Variants in TANGO6 observed in about 807,000 individuals in gnomAD.
TANGO6 encodes transport and Golgi organization protein 6 homolog.
Under a neutral mutation model 114.2 loss-of-function variants are expected in TANGO6, and 90 were observed. The observed-to-expected ratio is 0.79, with a 90% CI of 0.66 to 0.94. The LOEUF (loss-of-function observed/expected upper bound fraction) is 0.94, where lower values mean the gene tolerates loss of function less well. Among genes scored for constraint, TANGO6 ranks in the 40% least tolerant of loss-of-function variants. The pLI is 0.00. For synonymous variants in TANGO6, 477 were observed against 509.8 expected (o/e 0.94, Z 0.87); for missense variants, 1,274 against 1,315.3 (o/e 0.97, Z 0.49).
intron 12 of TANGO6, 27 bp downstream of exon 12, chr16:68,919,246 G>T: frequency 3.1e-6 from 5 of 1,607,202 alleles, no homozygotes; most frequent in South Asian, 1.1e-5. Flanking sequence ...AGGCAAGCTT[G>T]AATGGAGGGA....
chr16:69,047,316 G>A (rs775696240), intron 17 of TANGO6, among the ~76,000 whole-genome samples: 4 of 152,058 alleles, frequency 2.6e-5, no homozygotes, highest in African/African-American at 7.2e-5. Context: ...CCAACATGGC[G>A]AAACCCTATC....
intron 16 of TANGO6, among the ~76,000 whole-genome samples, chr16:69,028,589 C>T (rs117116502): frequency 0.085 from 12,904 of 151,884 alleles, 724 homozygotes; most frequent in Non-Finnish European, 0.12. Context: ...GCTAAAACTG[C>T]GCCACTACAC....
chr16:69,032,292 G>A (rs1234701081), intron 16 of TANGO6, among the ~76,000 whole-genome samples: 4 of 151,908 alleles, frequency 2.6e-5, no homozygotes, highest in Non-Finnish European at 5.9e-5. Flanking sequence ...TGGAGACAGA[G>A]CCTCGCGCTG....
chr16:68,891,467 CA>C (rs1349623669), intron 7 of TANGO6, among the ~76,000 whole-genome samples: 1 of 151,126 alleles, frequency 6.6e-6, no homozygotes, highest in South Asian at 2.1e-4. Context: ...CTCAAGAATT[CA>C]AAAAAAAGAA....
At chr16:69,023,147 A>G (rs574728983) in intron 16 of TANGO6, among the ~76,000 whole-genome samples, 168 bp downstream of exon 16, 2 of 152,074 alleles carry the variant, frequency 1.3e-5, no homozygotes, top group South Asian at 4.2e-4. Context: ...TCTGTCTCAC[A>G]TGTATATTGA....
chr16:69,021,772 C>A (rs251100), intron 15 of TANGO6, among the ~76,000 whole-genome samples: 50,875 of 151,580 alleles, frequency 0.34, 10,020 homozygotes, highest in East Asian at 0.52. Context: ...GGGGGCCACA[C>A]TTTTTGTTTG....
intron 15 of TANGO6, among the ~76,000 whole-genome samples, chr16:69,019,603 G>C (rs1350916004): frequency 1.3e-5 from 2 of 152,160 alleles, no homozygotes; most frequent in Non-Finnish European, 2.9e-5. Context: ...ACCTCTGCTT[G>C]ACTCTGTGAC....
At chr16:68,927,470 C>T in intron 12 of TANGO6, 98 bp from the exon 13 acceptor site, 1 of 1,336,242 alleles carries the variant, frequency 7.5e-7, no homozygotes, top group Non-Finnish European at 1.0e-6. Flanking sequence ...AAGATTTGAT[C>T]CCTGCCCTTT....
chr16:68,946,185 T>C (rs2152203628), intron 14 of TANGO6, among the ~76,000 whole-genome samples: 1 of 151,342 alleles, frequency 6.6e-6, no homozygotes, highest in South Asian at 2.1e-4. Flanking sequence ...TTTCTGTTTC[T>C]TCTTCTTCTT....
intron 13 of TANGO6, among the ~76,000 whole-genome samples, chr16:68,928,298 ATTT>A (rs10701295): frequency 2.0e-5 from 2 of 98,560 alleles, no homozygotes; most frequent in Non-Finnish European, 1.9e-5. Context: ...CTGAGTGCCA[ATTT>A]TTTTTTTTTT....
At chr16:69,011,399 GA>G (rs1964142281) in intron 15 of TANGO6, among the ~76,000 whole-genome samples, 1 of 150,922 alleles carries the variant, frequency 6.6e-6, no homozygotes, top group South Asian at 2.1e-4. Context: ...TGAATTAGGG[GA>G]ATGATTGAGC....
intron 17 of TANGO6, among the ~76,000 whole-genome samples, chr16:69,062,191 A>G (rs1960128303): frequency 6.6e-6 from 1 of 152,210 alleles, no homozygotes; most frequent in Non-Finnish European, 1.5e-5. Context: ...TCTGGAAAAT[A>G]AAATCATTGT....
chr16:68,957,109 A>C (rs886090088), intron 14 of TANGO6, among the ~76,000 whole-genome samples: 2 of 152,024 alleles, frequency 1.3e-5, no homozygotes, highest in African/African-American at 4.8e-5. Context: ...TTAATTTTTA[A>C]ATTTTTTAAT....
chr16:69,054,391 G>A (rs1170761541), intron 17 of TANGO6, among the ~76,000 whole-genome samples: 3 of 152,140 alleles, frequency 2.0e-5, no homozygotes, highest in Non-Finnish European at 2.9e-5. Context: ...CAGGTCTTCT[G>A]TTCACCCTGA....
chr16:69,078,482 G>A (rs540443726), intron 17 of TANGO6, among the ~76,000 whole-genome samples: 63 of 152,182 alleles, frequency 4.1e-4, no homozygotes, highest in Non-Finnish European at 8.2e-4. Context: ...ATTTCCATTC[G>A]CCATCTCCAG....
chr16:68,974,534 C>T (rs1313771550), intron 15 of TANGO6, among the ~76,000 whole-genome samples: 1 of 151,972 alleles, frequency 6.6e-6, no homozygotes, highest in Non-Finnish European at 1.5e-5. Flanking sequence ...TGGTGGTGTA[C>T]GCCTGTAATC....
At chr16:68,970,039 A>T (rs573998279) in intron 14 of TANGO6, among the ~76,000 whole-genome samples, 23 of 152,166 alleles carry the variant, frequency 1.5e-4, no homozygotes, top group African/African-American at 5.1e-4. Flanking sequence ...GGGTTTCAGG[A>T]TCGAATCTCA....
Position 68,927,570 on chromosome 16 carries a change from G to A in TANGO6, c.2130G>A (p.Leu710=), listed in dbSNP as rs1963182897. ...ACATTTTTTATTTCATTTTGTAGTT[G>A]AAGTCAAGTGATTTTGCTGTTCTGA... ...VAVMLGGAVQ[L]KSSDFAVLKQ... is the part of the protein sequence containing the mutation. The change falls in exon 13 of 18, where the codon TTG becomes TTA. Residue 710 remains leucine (L), a splice_region_variant and synonymous_variant. Transcript: ENST00000261778. 1.9e-6 allele frequency: 3 copies of A among 1,605,426 alleles called. No homozygotes were observed. Among genetic ancestry groups the A allele is most frequent in the Admixed American group, 1.7e-5 (1 of 59,396 alleles).
At chr16:69,029,022 A>G (rs938055735) in intron 16 of TANGO6, among the ~76,000 whole-genome samples, 1 of 152,178 alleles carries the variant, frequency 6.6e-6, no homozygotes, top group Admixed American at 6.6e-5. Flanking sequence ...GAACTCAAAC[A>G]TTGAGACTGT....
Sources: allele counts gnomAD v4.1 joint callset (sites outside exome capture counted in the v4.1 genomes callset), GRCh38; gene constraint gnomAD v4.1.1; transcripts MANE v1.5; gene names NCBI Gene and HGNC (gene_info 2026-07-23, HGNC 2026-07-21).